Variants in PRKN observed in about 807,000 individuals in gnomAD.
PRKN encodes E3 ubiquitin-protein ligase parkin.
Under a neutral mutation model 59.5 loss-of-function variants are expected in PRKN, and 56 were observed. The ratio of observed to expected loss-of-function variants is 0.94; its 90% confidence interval spans 0.76 to 1.18. The LOEUF is 1.18. Ranked by LOEUF, PRKN falls within the 50% of genes most tolerant of loss-of-function variation. The probability of loss-of-function intolerance (pLI) is 0.00; values close to 1 mark genes in which losing one functional copy is unlikely to be tolerated. For synonymous variants in PRKN, 250 were observed against 222.1 expected (o/e 1.13, Z -1.12); for missense variants, 657 against 596.4 (o/e 1.10, Z -1.06).
Position 161,549,026 on chromosome 6 carries a change from T to G in PRKN, c.934-23A>C, listed in dbSNP as rs756440791. 6.2e-7 allele frequency: 1 copy of G among 1,614,092 alleles called. No homozygotes were observed. The highest frequency in any genetic ancestry group is 1.7e-5 in the Admixed American group (1 of 60,020). ...GTACTGCAAAACCCAAAAAGCAGAT[T>G]GAGCTTTCAAACTGACTGCAAATTT... is the stretch of plus-strand genomic sequence containing the variant. On this transcript the variant is annotated intron_variant, in intron 8 of 11. Coordinates refer to ENST00000366898, the MANE Select transcript of PRKN (RefSeq NM_004562.3). The surrounding 1 kb of genome is among the most constrained non-coding windows in gnomAD (Gnocchi z 6.0).
chr6:161,886,760 AT>A (rs1795170866), intron 6 of PRKN, among the ~76,000 whole-genome samples: 4 of 150,956 alleles, frequency 2.6e-5, no homozygotes, highest in South Asian at 2.1e-4. Context: ...ATAAAAAAAA[AT>A]AAAATAAAAT....
intron 2 of PRKN, among the ~76,000 whole-genome samples, chr6:162,272,779 C>T (rs1780451071): frequency 6.6e-6 from 1 of 151,940 alleles, no homozygotes. Flanking sequence ...GGGCAGATCA[C>T]CCGAGGTCAG....
intron 1 of PRKN, among the ~76,000 whole-genome samples, chr6:162,684,245 C>T (rs984268216): frequency 3.9e-5 from 6 of 151,988 alleles, no homozygotes; most frequent in Admixed American, 2.6e-4. Context: ...CCAAGATCCT[C>T]TGATTTTTTT....
chr6:162,262,031 C>A (rs893548120), intron 3 of PRKN, among the ~76,000 whole-genome samples: 3 of 152,098 alleles, frequency 2.0e-5, no homozygotes, highest in East Asian at 3.9e-4. Context: ...AAAATTAATT[C>A]TATTACACCT....
intron 6 of PRKN, among the ~76,000 whole-genome samples, chr6:161,801,559 T>C (rs1005179738): frequency 1.3e-5 from 2 of 152,218 alleles, no homozygotes; most frequent in African/African-American, 4.8e-5. Flanking sequence ...TTCTAAGACC[T>C]GCCTCTGTGC....
intron 1 of PRKN, among the ~76,000 whole-genome samples, chr6:162,495,137 C>G (rs1182398558): frequency 6.6e-6 from 1 of 152,094 alleles, no homozygotes; most frequent in Admixed American, 6.6e-5. Context: ...GAACTGAAAG[C>G]CTAATACATA....
chr6:162,507,386 A>C (rs1793656507), intron 1 of PRKN, among the ~76,000 whole-genome samples: 1 of 152,166 alleles, frequency 6.6e-6, no homozygotes, highest in African/African-American at 2.4e-5. Context: ...AGAAAAGATG[A>C]CAATCAAGAG....
intron 1 of PRKN, among the ~76,000 whole-genome samples, chr6:162,550,244 G>A (rs984017709): frequency 1.3e-5 from 2 of 152,204 alleles, no homozygotes; most frequent in African/African-American, 4.8e-5. Context: ...AACGAAGCCT[G>A]TCTTAGGTAG....
In PRKN at chr6:162,503,413, C is replaced by T. The variant is rs141756550; in HGVS notation, c.8-59940G>A. Among the ~76,000 whole-genome samples the T allele has an allele frequency of 5.3e-3, 808 of 152,172 alleles. 6 individuals are homozygous for T. The highest frequency in any genetic ancestry group is 0.019 in the African/African-American group (781 of 41,534). ...CCCCGACCTCAGGAGATCTTCCTGC[C>T]TCAGCCTCCCAGAGTGCCGGGATTA... is the stretch of plus-strand genomic sequence containing the variant. On this transcript the variant is annotated intron_variant, in intron 1 of 11. Transcript: ENST00000366898.
At chr6:162,605,983 A>C (rs564246287) in intron 1 of PRKN, among the ~76,000 whole-genome samples, 1 of 152,340 alleles carries the variant, frequency 6.6e-6, no homozygotes, top group Non-Finnish European at 1.5e-5. Flanking sequence ...CTGAATTCAA[A>C]TGCAGAGATT....
At chr6:162,124,782 G>C (rs755211185) in intron 4 of PRKN, among the ~76,000 whole-genome samples, 1 of 152,170 alleles carries the variant, frequency 6.6e-6, no homozygotes, top group East Asian at 1.9e-4. Context: ...CTGGATAGGA[G>C]AGTTTTGAGA....
chr6:162,327,717 T>C (rs1783360443), intron 2 of PRKN, among the ~76,000 whole-genome samples: 1 of 152,154 alleles, frequency 6.6e-6, no homozygotes, highest in African/African-American at 2.4e-5. Flanking sequence ...TGTTAGGTTT[T>C]GGTCATCTCT....
intron 6 of PRKN, among the ~76,000 whole-genome samples, chr6:161,856,403 GCTT>G (rs1454786667): frequency 7.2e-6 from 1 of 139,330 alleles, no homozygotes; most frequent in African/African-American, 2.7e-5. Context: ...AAAATGAACT[GCTT>G]CTTCTACAGA....
intron 4 of PRKN, among the ~76,000 whole-genome samples, chr6:162,078,466 T>C (rs1778923702): frequency 6.6e-6 from 1 of 152,104 alleles, no homozygotes; most frequent in Non-Finnish European, 1.5e-5. Context: ...AATTATGCTC[T>C]GGTTTAAGGA....
At chr6:162,419,137 T>C (rs1364530151) in intron 2 of PRKN, among the ~76,000 whole-genome samples, 4 of 152,052 alleles carry the variant, frequency 2.6e-5, no homozygotes, top group Non-Finnish European at 5.9e-5. Flanking sequence ...TTCGTATTAT[T>C]GTCTTGGCTT....
At chr6:162,422,976 A>G (rs867759455) in intron 2 of PRKN, among the ~76,000 whole-genome samples, 48 of 151,106 alleles carry the variant, frequency 3.2e-4, no homozygotes, top group African/African-American at 1.1e-3. Flanking sequence ...AAAAAAAAAA[A>G]AGCATCATAA....
intron 1 of PRKN, among the ~76,000 whole-genome samples, chr6:162,456,865 A>C (rs1380797233): frequency 6.6e-6 from 1 of 152,200 alleles, no homozygotes; most frequent in Non-Finnish European, 1.5e-5. Context: ...GTATTTCTCC[A>C]CAACGGACAT....
At chr6:162,571,445 T>A (rs918098851) in intron 1 of PRKN, 1 of 152,040 alleles carries the variant, frequency 6.6e-6, no homozygotes. Flanking sequence ...AAAAGATGAT[T>A]CAGGACTGAT....
At chr6:162,294,760 C>T (rs1781593013) in intron 2 of PRKN, among the ~76,000 whole-genome samples, 1 of 151,700 alleles carries the variant, frequency 6.6e-6, no homozygotes, top group African/African-American at 2.4e-5. Flanking sequence ...AAATACAATA[C>T]AATAAAAACA....
Sources: allele counts gnomAD v4.1 joint callset (sites outside exome capture counted in the v4.1 genomes callset), GRCh38; gene constraint gnomAD v4.1.1; non-coding constraint Gnocchi (gnomAD v3.1); transcripts MANE v1.5; gene names NCBI Gene and HGNC (gene_info 2026-07-23, HGNC 2026-07-21).